Variants in MYOM2 observed in about 807,000 individuals in gnomAD.
MYOM2 encodes myomesin-2.
A neutral mutation model predicts 187.6 loss-of-function variants in MYOM2; 254 were observed. The observed-to-expected ratio is 1.35, with a 90% CI of 1.22 to 1.50. The LOEUF (loss-of-function observed/expected upper bound fraction) is 1.50. Ranked by LOEUF, MYOM2 falls within the 40% of genes most tolerant of loss-of-function variation. MYOM2 has a pLI of 0.00. For synonymous variants in MYOM2, 981 were observed against 753.8 expected, an observed-to-expected ratio of 1.30 and a Z score of -4.94; for missense variants, 2,796 against 1,924.0, an observed-to-expected ratio of 1.45 and a Z score of -8.48.
intron 20 of MYOM2, among the ~76,000 whole-genome samples, chr8:2,101,370 A>C (rs117291449): frequency 0.047 from 7,095 of 152,240 alleles, 203 homozygotes; most frequent in Admixed American, 0.082. Flanking sequence ...AAACACACAC[A>C]CAAAAATAAA....
intron 3 of MYOM2, among the ~76,000 whole-genome samples, chr8:2,056,744 T>C (rs1199178513): frequency 6.6e-6 from 1 of 152,148 alleles, no homozygotes; most frequent in Non-Finnish European, 1.5e-5. Flanking sequence ...TTTTCCTACA[T>C]TTTCAAATCA....
At position 2,120,672 on chromosome 8, in the gene MYOM2, A is replaced by AT. The variant is rs1797401797; in HGVS notation, c.3454-2579dup. Reference sequence around the variant, plus strand: ...TTTGATTTCCTGTATATATATATATATATTATATTATATATAAATATATAA... The same window carrying AT: ...TTTGATTTCCTGTATATATATATATATTATTATATTATATATAAATATATAA... On this transcript the variant is annotated intron_variant, in intron 28 of 36. Transcript: ENST00000262113. 5.8e-5 allele frequency among the ~76,000 whole-genome samples: 3 copies of AT among 51,926 alleles called. 1 individual carries two copies. The highest frequency in any genetic ancestry group is 6.4e-4 in the Admixed American group (2 of 3,114). 34.1% of individuals were successfully genotyped at this position (51,926 alleles called of 152,430 possible).
At chr8:2,140,584 A>G in intron 32 of MYOM2, 139 bp from the exon 33 acceptor site, 1 of 775,018 alleles carries the variant, frequency 1.3e-6, no homozygotes, top group Non-Finnish European at 2.0e-6. Flanking sequence ...ATACATTCGT[A>G]ACAGCCAGAA....
Position 2,069,349 on chromosome 8 carries a change from C to A in MYOM2, c.725C>A (p.Ala242Glu). The change falls in exon 7 of 37, where the codon GCG becomes GAG. Residue 242 changes from alanine (A) to glutamate (E), a missense_variant. Coordinates refer to ENST00000262113, the MANE Select transcript of MYOM2 (RefSeq NM_003970.4). ...TNAHGQVSTN[A>E]AVVVRRFRGD... ...GCCCACGGACAAGTGTCCACCAACG[C>A]GGCGGTGGTGGTGAGAAGTGAGTGC... The A allele has an allele frequency of 6.2e-7, 1 of 1,613,972 alleles. No individual in the cohort carries two copies. The highest frequency in any genetic ancestry group is 8.5e-7 in the Non-Finnish European group (1 of 1,179,918).
chr8:2,095,004 C>T (rs1476997759), intron 17 of MYOM2, among the ~76,000 whole-genome samples: 3 of 152,178 alleles, frequency 2.0e-5, no homozygotes, highest in East Asian at 1.9e-4. Flanking sequence ...CCACATGGGA[C>T]ACCCTTGGAT....
chr8:2,101,840 G>T (rs554736823), intron 20 of MYOM2, among the ~76,000 whole-genome samples: 1 of 152,308 alleles, frequency 6.6e-6, no homozygotes, highest in South Asian at 2.1e-4. Context: ...TTCATACATG[G>T]AGCAAAACTA....
intron 6 of MYOM2, among the ~76,000 whole-genome samples, chr8:2,062,132 G>A (rs73186714): frequency 0.033 from 5,055 of 152,320 alleles, 144 homozygotes; most frequent in Middle Eastern, 0.068. Context: ...TGCATTGGGG[G>A]TCCTGGGCTG....
intron 20 of MYOM2, 98 bp from the exon 21 acceptor site, chr8:2,102,569 T>C: frequency 1.5e-6 from 1 of 653,420 alleles, no homozygotes; most frequent in South Asian, 2.6e-5. Flanking sequence ...AAAAATAAGC[T>C]ATTTTTGAAA....
chr8:2,092,273 G>C, intron 15 of MYOM2, 73 bp from the exon 16 acceptor site: 4 of 1,529,372 alleles, frequency 2.6e-6, no homozygotes, highest in Non-Finnish European at 8.9e-7. Flanking sequence ...CTGTGAAAAG[G>C]GCCGGAAGAT....
intron 17 of MYOM2, among the ~76,000 whole-genome samples, chr8:2,095,411 C>A (rs1034499642): frequency 2.0e-5 from 3 of 151,886 alleles, no homozygotes; most frequent in African/African-American, 4.8e-5. Flanking sequence ...CATGCCTCAG[C>A]CTCCTGATTA....
chr8:2,137,764 T>C (rs1798133175), intron 32 of MYOM2, among the ~76,000 whole-genome samples: 1 of 152,130 alleles, frequency 6.6e-6, no homozygotes, highest in African/African-American at 2.4e-5. Flanking sequence ...GTGGGCCCAG[T>C]TCCCCACTGA....
intron 31 of MYOM2, among the ~76,000 whole-genome samples, chr8:2,125,129 AT>A (rs1462167910): frequency 6.6e-6 from 1 of 152,022 alleles, no homozygotes; most frequent in Non-Finnish European, 1.5e-5. Flanking sequence ...TGTTGCCTGT[AT>A]TTTTGATGTC....
intron 10 of MYOM2, among the ~76,000 whole-genome samples, chr8:2,073,721 A>G (rs1443697975): frequency 6.6e-6 from 1 of 152,126 alleles, no homozygotes; most frequent in East Asian, 1.9e-4. Context: ...TCCGGAATAG[A>G]CCAGAATCAT....
intron 16 of MYOM2, among the ~76,000 whole-genome samples, chr8:2,093,688 A>G (rs1282189869): frequency 6.6e-6 from 1 of 152,224 alleles, no homozygotes; most frequent in Non-Finnish European, 1.5e-5. Context: ...ACTGTTGGAT[A>G]ATAGACCTCT....
chr8:2,078,140 A>G (rs1344879875), intron 11 of MYOM2, among the ~76,000 whole-genome samples: 1 of 152,190 alleles, frequency 6.6e-6, no homozygotes, highest in Non-Finnish European at 1.5e-5. Context: ...TCTTTCCTAT[A>G]TTTCCAGGTT....
Position 2,083,753 on chromosome 8 carries a change from G to A in MYOM2, c.1517-1510G>A, listed in dbSNP as rs79141743. Among the ~76,000 whole-genome samples the A allele has an allele frequency of 4.3e-3, 656 of 152,302 alleles. 6 individuals carry two copies. The highest frequency in any genetic ancestry group is 5.0e-3 in the Non-Finnish European group (341 of 68,034). The stretch of plus-strand genomic sequence containing the variant: ...CCATGGTTGGAGAATCTGCAAATCC[G>A]CAAGGCTTGTGTGATCACATTGCCC... On this transcript the variant is annotated intron_variant, in intron 13 of 36. Transcript: ENST00000262113.
At chr8:2,125,550 G>C (rs1479749513) in intron 31 of MYOM2, among the ~76,000 whole-genome samples, 2 of 141,768 alleles carry the variant, frequency 1.4e-5, no homozygotes, top group African/African-American at 5.2e-5. Context: ...CCTAAGGATT[G>C]TTTAGGCTAT....
intron 25 of MYOM2, among the ~76,000 whole-genome samples, chr8:2,111,960 G>A (rs1797081673): frequency 6.6e-6 from 1 of 152,138 alleles, no homozygotes. Context: ...TTGTGTTTAT[G>A]GGAAATCAAA....
At position 2,101,577 on chromosome 8, in the gene MYOM2, C is replaced by T. The variant is rs150196193; in HGVS notation, c.2619+523C>T. Among the ~76,000 whole-genome samples the T allele has an allele frequency of 7.5e-3, 1,138 of 152,274 alleles. 18 individuals carry two copies. The highest frequency in any genetic ancestry group is 0.026 in the African/African-American group (1,068 of 41,558). ...AGATGACAGAACAGTGCCTTGAGGACGCAGAGCCCTCCTTCCATTCACACC... is the reference window on the plus strand; with the variant it reads ...AGATGACAGAACAGTGCCTTGAGGATGCAGAGCCCTCCTTCCATTCACACC... On this transcript the variant is annotated intron_variant, in intron 20 of 36. Transcript: ENST00000262113.
Sources: gnomAD v4.1 joint callset for allele counts (sites outside exome capture counted in the v4.1 genomes callset) on GRCh38, gnomAD v4.1.1 for gene constraint, MANE v1.5 for transcripts, NCBI Gene and HGNC (gene_info 2026-07-23, HGNC 2026-07-21) for gene names.